Variants in LMX1B observed in about 807,000 individuals in gnomAD.
LMX1B encodes the protein LIM homeobox transcription factor 1-beta.
A neutral mutation model predicts 51.4 loss-of-function variants in LMX1B; 12 were observed. The ratio of observed to expected loss-of-function variants is 0.23; its 90% confidence interval spans 0.15 to 0.38. The LOEUF is 0.38. Ranked by LOEUF, LMX1B falls within the 10% of genes least tolerant of loss-of-function variation. The probability of loss-of-function intolerance (pLI) is 1.00; values close to 1 mark genes in which losing one functional copy is unlikely to be tolerated. For missense variants in LMX1B, 445 were observed against 571.1 expected (o/e 0.78, Z 2.25); for synonymous variants, 237 against 235.4 (o/e 1.01, Z -0.06).
chr9:126,695,813 G>C lies in LMX1B; in HGVS notation c.887-26G>C. 1 of 1,611,100 alleles carries C rather than the reference G, an allele frequency of 6.2e-7. No homozygotes were observed. The highest frequency in any genetic ancestry group is 8.5e-7 in the Non-Finnish European group (1 of 1,179,044). ...GCTGGGAGGGCGTGGACCAGGCCAG[G>C]GGGTGAAGGCTCACTGTGCCCCCAG... On this transcript the variant is annotated intron_variant, in intron 6 of 7. Coordinates refer to ENST00000373474, the MANE Select transcript of LMX1B (RefSeq NM_001174147.2). The surrounding 1 kb of genome is among the most constrained non-coding windows in gnomAD (Gnocchi z 5.2).
At chr9:126,685,787 T>C (rs979061842) in intron 2 of LMX1B, among the ~76,000 whole-genome samples, 1 of 152,148 alleles carries the variant, frequency 6.6e-6, no homozygotes, top group Non-Finnish European at 1.5e-5. Flanking sequence ...ACAGTGATCA[T>C]GATCACCGTT....
intron 4 of LMX1B, 42 bp downstream of exon 4, chr9:126,693,365 A>G: frequency 1.3e-6 from 2 of 1,570,846 alleles, no homozygotes; most frequent in Non-Finnish European, 8.7e-7. Flanking sequence ...TGATGCCCGC[A>G]CACCCACTGC....
intron 2 of LMX1B, among the ~76,000 whole-genome samples, chr9:126,678,323 A>AT (rs1416568633): frequency 8.9e-6 from 1 of 112,722 alleles, no homozygotes; most frequent in African/African-American, 4.6e-5. Flanking sequence ...AAAAAAAAAC[A>AT]AAAAACAAAA....
intron 2 of LMX1B, among the ~76,000 whole-genome samples, chr9:126,678,309 C>CAAAAAAAAAAAAAAAAAAAAA (rs1365345216): frequency 3.0e-5 from 2 of 66,006 alleles, no homozygotes; most frequent in East Asian, 5.0e-4. Context: ...GACTTCGTCT[C>CAAAAAAAAAAAAAAAAAAAAA]AAAAAAAAAA....
chr9:126,614,926 G>A (rs1053849278), intron 1 of LMX1B, among the ~76,000 whole-genome samples: 1 of 152,084 alleles, frequency 6.6e-6, no homozygotes, highest in Non-Finnish European at 1.5e-5. Context: ...GGTCACCTGG[G>A]GTGGGGGAGA....
chr9:126,623,727 G>A (rs1030853390), intron 2 of LMX1B, among the ~76,000 whole-genome samples: 3 of 149,668 alleles, frequency 2.0e-5, no homozygotes, highest in African/African-American at 4.9e-5. Flanking sequence ...GTCGCTACCC[G>A]AGGGCTGGGA....
At chr9:126,663,474 G>A (rs2118927876) in intron 2 of LMX1B, among the ~76,000 whole-genome samples, 1 of 152,056 alleles carries the variant, frequency 6.6e-6, no homozygotes, top group African/African-American at 2.4e-5. Context: ...GAGGGACTTG[G>A]GTTCAAATCC....
intron 2 of LMX1B, among the ~76,000 whole-genome samples, chr9:126,620,325 C>CAGCT (rs1467960307): frequency 6.6e-6 from 1 of 152,214 alleles, no homozygotes; most frequent in African/African-American, 2.4e-5. Context: ...CAAGTCTTAG[C>CAGCT]AGCTGTGTGA....
intron 2 of LMX1B, among the ~76,000 whole-genome samples, chr9:126,661,457 G>C (rs1172082398): frequency 6.6e-6 from 1 of 152,050 alleles, no homozygotes; most frequent in Non-Finnish European, 1.5e-5. Context: ...GCCACTGTAG[G>C]GGGCACAGAG....
At chr9:126,693,623 C>T in intron 5 of LMX1B, 22 bp downstream of exon 5, 2 of 1,613,626 alleles carry the variant, frequency 1.2e-6, no homozygotes, top group East Asian at 2.2e-5. Flanking sequence ...CCCCCCATCC[C>T]CACTGGCCCC....
At chr9:126,689,566 A>T (rs2118984115) in intron 2 of LMX1B, among the ~76,000 whole-genome samples, 1 of 152,342 alleles carries the variant, frequency 6.6e-6, no homozygotes, top group Non-Finnish European at 1.5e-5. Context: ...TGTTGAGCTG[A>T]GTTCCCACAG....
At chr9:126,682,421 T>C (rs1178550773) in intron 2 of LMX1B, among the ~76,000 whole-genome samples, 2 of 152,332 alleles carry the variant, frequency 1.3e-5, no homozygotes, top group South Asian at 2.1e-4. Context: ...CGTCATACTC[T>C]GTATGAAATG....
chr9:126,644,145 T>C (rs955884551), intron 2 of LMX1B, among the ~76,000 whole-genome samples: 4 of 152,258 alleles, frequency 2.6e-5, no homozygotes, highest in Admixed American at 2.6e-4. Flanking sequence ...GGGCCCGCGC[T>C]GGTCTCTCCG....
intron 3 of LMX1B, among the ~76,000 whole-genome samples, 172 bp from the exon 4 acceptor site, chr9:126,692,970 G>T (rs1484523302): frequency 6.6e-6 from 1 of 152,204 alleles, no homozygotes; most frequent in Non-Finnish European, 1.5e-5. Flanking sequence ...GATGAGGTAG[G>T]GCCTGTGGGC....
rs1186353328 is a variant in LMX1B, at chr9:126,626,733, C to T, written c.326+11164C>T. On this transcript the variant is annotated intron_variant, in intron 2 of 7. Transcript: ENST00000373474. The surrounding 1 kb of genome is among the most constrained non-coding windows in gnomAD (Gnocchi z 4.3). ...GCGAGCGAGGGAAGGAGCAAGGAGG[C>T]GGCGGCGGAGCAAACTCTGCGGATT... is the stretch of plus-strand genomic sequence containing the variant. Among the ~76,000 whole-genome samples the T allele has an allele frequency of 6.6e-6, 1 of 152,196 alleles. No homozygotes were observed. Among genetic ancestry groups the T allele is most frequent in the African/African-American group, 2.4e-5 (1 of 41,454 alleles).
intron 2 of LMX1B, among the ~76,000 whole-genome samples, chr9:126,674,616 C>T (rs1220528442): frequency 1.3e-5 from 2 of 152,232 alleles, no homozygotes; most frequent in Non-Finnish European, 2.9e-5. Context: ...GGTCCCCCAT[C>T]TGCCACCCTG....
At chr9:126,664,163 T>C (rs568857636) in intron 2 of LMX1B, among the ~76,000 whole-genome samples, 3 of 152,096 alleles carry the variant, frequency 2.0e-5, no homozygotes, top group Non-Finnish European at 4.4e-5. Flanking sequence ...CACCCACAGC[T>C]GGCCCCAGGT....
intron 2 of LMX1B, among the ~76,000 whole-genome samples, chr9:126,624,711 TATCA>T (rs1264112995): frequency 1.3e-5 from 2 of 151,494 alleles, no homozygotes; most frequent in African/African-American, 2.4e-5. Context: ...AATGTGGTTG[TATCA>T]ATCCACAAAT....
chr9:126,644,154 C>T lies in LMX1B; in HGVS notation c.326+28585C>T, dbSNP rs76727655. ...GCTGGTGGGCCCGCGCTGGTCTCTC[C>T]GGGTCCTCGGTGTCCTGTGCCCCCA... is the stretch of plus-strand genomic sequence containing the variant. On this transcript the variant is annotated intron_variant, in intron 2 of 7. Coordinates refer to ENST00000373474, the MANE Select transcript of LMX1B (RefSeq NM_001174147.2). Among the ~76,000 whole-genome samples, 1,160 of 152,290 alleles carry T rather than the reference C, an allele frequency of 7.6e-3. 5 individuals carry two copies. The highest frequency in any genetic ancestry group is 0.012 in the Non-Finnish European group (844 of 68,020).
Sources: allele counts gnomAD v4.1 joint callset (sites outside exome capture counted in the v4.1 genomes callset), GRCh38; gene constraint gnomAD v4.1.1; non-coding constraint Gnocchi (gnomAD v3.1); transcripts MANE v1.5; gene names NCBI Gene and HGNC (gene_info 2026-07-23, HGNC 2026-07-21).